Variants in POMT2 observed in about 807,000 individuals in gnomAD.
POMT2 encodes the protein protein O-mannosyl-transferase 2.
In POMT2, 75 loss-of-function variants were observed where a neutral mutation model predicts 100.0. The ratio of observed to expected loss-of-function variants is 0.75; its 90% confidence interval spans 0.62 to 0.91. The LOEUF (loss-of-function observed/expected upper bound fraction) is 0.91. Ranked by LOEUF, POMT2 falls within the 40% of genes least tolerant of loss-of-function variation. The pLI is 0.00. For synonymous variants in POMT2, 378 were observed against 374.1 expected (o/e 1.01, Z -0.12); for missense variants, 940 against 955.1 (o/e 0.98, Z 0.21).
chr14:77,299,073 T>C (rs888782153), intron 7 of POMT2, among the ~76,000 whole-genome samples: 2 of 152,230 alleles, frequency 1.3e-5, no homozygotes, highest in African/African-American at 4.8e-5. Context: ...GTGTACAAAA[T>C]GCGGAACACA....
intron 9 of POMT2, among the ~76,000 whole-genome samples, chr14:77,294,247 TC>T (rs1323208734): frequency 5.9e-5 from 9 of 152,222 alleles, no homozygotes; most frequent in Non-Finnish European, 1.0e-4. Flanking sequence ...CTCCTCTAAT[TC>T]CCACGTGTTG....
rs756184152 is a variant in POMT2, at chr14:77,285,617, A to C, written c.1348T>G (p.Ser450Ala). The C allele has an allele frequency of 2.5e-6, 4 of 1,613,028 alleles. No homozygotes were observed. In the Admixed American group the frequency reaches 6.7e-5, roughly 27 times the overall value. Residue 450 changes from serine to alanine, a missense_variant, in exon 13 of 21, where the codon TCA becomes GCA. Ser to Ala is a moderately conservative substitution (Grantham distance 99). Transcript: ENST00000261534. ...TGYGINGTGD[S>A]NDFWRIEVVN... ...ACCTCAATCCGCCAGAAATCATTTG[A>C]GTCCCCTGTTCCATTCTGCCATAAA...
chr14:77,278,872 G>T lies in POMT2; in HGVS notation c.1892-3C>A. The T allele has an allele frequency of 1.2e-6, 2 of 1,612,812 alleles. No homozygotes were observed. Among genetic ancestry groups the T allele is most frequent in the Non-Finnish European group, 1.7e-6 (2 of 1,179,576 alleles). On this transcript the variant is annotated splice_polypyrimidine_tract_variant and splice_region_variant and intron_variant, in intron 18 of 20. Coordinates refer to ENST00000261534, the MANE Select transcript of POMT2 (RefSeq NM_013382.7). ...TCGAAGCAGGACCTGGGACAACCCT[G>T]GGCCCAAGCAGCACAGCCCAGTCAG...
chr14:77,292,836 A>G (rs1890685049), intron 9 of POMT2, among the ~76,000 whole-genome samples: 1 of 152,208 alleles, frequency 6.6e-6, no homozygotes, highest in Admixed American at 6.5e-5. Flanking sequence ...ACAGGTTTGT[A>G]GTCTAGGAGC....
At chr14:77,315,407 C>T (rs985995216) in intron 1 of POMT2, among the ~76,000 whole-genome samples, 1 of 152,242 alleles carries the variant, frequency 6.6e-6, no homozygotes, top group East Asian at 1.9e-4. Flanking sequence ...GCCCCTGATG[C>T]AGGCCTTCTA....
At chr14:77,318,917 G>C (rs1334387811) in intron 1 of POMT2, among the ~76,000 whole-genome samples, 1 of 152,070 alleles carries the variant, frequency 6.6e-6, no homozygotes, top group Non-Finnish European at 1.5e-5. Context: ...TGTATTTTCA[G>C]TTGAGACGGA....
rs571004516 is a variant in POMT2, at chr14:77,313,199, T to C, written c.249-1166A>G. ...ATCCCCAGGTCATGAGCAGTCATTA[T>C]TGACCTACTACATAAGGGGAAAACA... On this transcript the variant is annotated intron_variant, in intron 1 of 20. Coordinates refer to ENST00000261534, the MANE Select transcript of POMT2 (RefSeq NM_013382.7). Among the ~76,000 whole-genome samples the C allele has an allele frequency of 2.9e-4, 44 of 152,366 alleles. 1 individual carries two copies. The South Asian group carries it at 8.9e-3, about 31-fold the overall frequency.
chr14:77,293,926 C>G (rs1206190854), intron 9 of POMT2, among the ~76,000 whole-genome samples: 1 of 152,202 alleles, frequency 6.6e-6, no homozygotes, highest in African/African-American at 2.4e-5. Context: ...TTTATCAACA[C>G]ATGAGAACAC....
intron 10 of POMT2, among the ~76,000 whole-genome samples, chr14:77,289,114 G>A (rs1348290990): frequency 6.6e-6 from 1 of 151,880 alleles, no homozygotes. Flanking sequence ...CTTCTGGCCG[G>A]GCACAGTGGC....
At chr14:77,302,329 C>T (rs1049253148) in intron 5 of POMT2, among the ~76,000 whole-genome samples, 3 of 152,198 alleles carry the variant, frequency 2.0e-5, no homozygotes, top group African/African-American at 7.2e-5. Context: ...TTCAAGCCAA[C>T]CTTTACATAT....
intron 13 of POMT2, 88 bp downstream of exon 13, chr14:77,285,393 A>G: frequency 3.2e-6 from 5 of 1,553,090 alleles, no homozygotes; most frequent in Non-Finnish European, 4.4e-6. Context: ...AGGTGAACAC[A>G]GGAAAACAAA....
chr14:77,292,991 A>G (rs1890694926), intron 9 of POMT2, among the ~76,000 whole-genome samples: 1 of 152,232 alleles, frequency 6.6e-6, no homozygotes, highest in Non-Finnish European at 1.5e-5. Flanking sequence ...GACTGTACTT[A>G]CAAAGAGATT....
At chr14:77,300,894 C>G in intron 6 of POMT2, 196 bp downstream of exon 6, 1 of 825,104 alleles carries the variant, frequency 1.2e-6, no homozygotes. Flanking sequence ...TATCCTCTCC[C>G]TTGAACCCTA....
intron 2 of POMT2, 87 bp from the exon 3 acceptor site, chr14:77,306,528 A>G (rs1891235823): frequency 6.7e-7 from 1 of 1,490,046 alleles, no homozygotes; most frequent in African/African-American, 1.4e-5. Context: ...CTGCACCCAC[A>G]GACTTTGGGT....
intron 15 of POMT2, among the ~76,000 whole-genome samples, chr14:77,280,998 G>A (rs1009007716): frequency 1.4e-4 from 21 of 152,224 alleles, no homozygotes; most frequent in Non-Finnish European, 2.6e-4. Flanking sequence ...GGAGGCTGAG[G>A]CAGGAGAACC....
intron 3 of POMT2, among the ~76,000 whole-genome samples, chr14:77,305,606 G>A (rs1891197169): frequency 6.6e-6 from 1 of 152,174 alleles, no homozygotes; most frequent in African/African-American, 2.4e-5. Context: ...TAAGCACACA[G>A]CCATTTATTT....
intron 2 of POMT2, among the ~76,000 whole-genome samples, chr14:77,311,322 T>C (rs1374173854): frequency 9.9e-5 from 15 of 152,258 alleles, no homozygotes; most frequent in Admixed American, 9.8e-4. Flanking sequence ...TATTTCTTTT[T>C]TCTTTTTTAA....
chr14:77,279,965 C>T (rs549850437), intron 17 of POMT2, 37 bp from the exon 18 acceptor site: 6 of 1,614,170 alleles, frequency 3.7e-6, no homozygotes, highest in Non-Finnish European at 5.1e-6. Context: ...GAGAACGCAG[C>T]CGCTCTCCAC....
intron 9 of POMT2, among the ~76,000 whole-genome samples, chr14:77,292,512 G>T (rs971231451): frequency 6.6e-6 from 1 of 152,136 alleles, no homozygotes; most frequent in Admixed American, 6.5e-5. Flanking sequence ...AACCAGGGCC[G>T]CAAAATAAAT....
Sources: gnomAD v4.1 joint callset for allele counts (sites outside exome capture counted in the v4.1 genomes callset) on GRCh38, gnomAD v4.1.1 for gene constraint, MANE v1.5 for transcripts, NCBI Gene and HGNC (gene_info 2026-07-23, HGNC 2026-07-21) for gene names.